Variants in AGPS observed in about 807,000 individuals in gnomAD.
AGPS encodes alkylglycerone phosphate synthase, also known as alkyldihydroxyacetonephosphate synthase, peroxisomal.
A neutral mutation model predicts 90.7 loss-of-function variants in AGPS; 26 were observed. That is an observed-to-expected ratio of 0.29 (90% CI 0.21 to 0.40). The LOEUF (loss-of-function observed/expected upper bound fraction) is 0.40, where lower values mean the gene tolerates loss of function less well. Among genes scored for constraint, AGPS ranks in the 10% least tolerant of loss-of-function variants. AGPS has a pLI of 1.00. For missense variants in AGPS, 540 were observed against 816.1 expected (o/e 0.66, Z 4.12); for synonymous variants, 294 against 285.3 (o/e 1.03, Z -0.31).
At chr2:177,446,573 A>G (rs924433186) in intron 8 of AGPS, among the ~76,000 whole-genome samples, 2 of 152,130 alleles carry the variant, frequency 1.3e-5, no homozygotes, top group Admixed American at 1.3e-4. Flanking sequence ...TCAAGCCAGG[A>G]AAACATGAAG....
intron 19 of AGPS, among the ~76,000 whole-genome samples, chr2:177,526,870 C>T (rs1353415854): frequency 1.3e-5 from 2 of 152,206 alleles, no homozygotes; most frequent in Non-Finnish European, 2.9e-5. Context: ...GTTCTGCATA[C>T]TTAACCTCTT....
chr2:177,511,905 A>C (rs1280185506), intron 16 of AGPS, among the ~76,000 whole-genome samples: 1 of 152,182 alleles, frequency 6.6e-6, no homozygotes, highest in African/African-American at 2.4e-5. Flanking sequence ...GGAGCTCTTA[A>C]TATTTTCCTG....
rs990616636 is a variant in AGPS at position 177,443,918 on chromosome 2, A to T, written c.789+1432A>T. 9.2e-5 allele frequency among the ~76,000 whole-genome samples: 14 copies of T among 152,084 alleles called. 1 individual carries two copies. Among genetic ancestry groups the T allele is most frequent in the African/African-American group, 2.4e-4 (10 of 41,390 alleles). The stretch of plus-strand genomic sequence containing the variant: ...TTTAATTTCCTTTTTCTACCAAAAG[A>T]TATGTTTGAACTCTTGGTAGCTACA... On this transcript the variant is annotated intron_variant, in intron 7 of 19. Transcript: ENST00000264167.
At chr2:177,529,882 T>TA (rs771603513) in intron 19 of AGPS, among the ~76,000 whole-genome samples, 1 of 152,230 alleles carries the variant, frequency 6.6e-6, no homozygotes, top group Admixed American at 6.5e-5. Flanking sequence ...TTCTCTGACT[T>TA]ACACTTTCCT....
chr2:177,461,837 G>T (rs1471909340), intron 8 of AGPS, 56 bp from the exon 9 acceptor site: 2 of 1,534,528 alleles, frequency 1.3e-6, no homozygotes, highest in East Asian at 2.5e-5. Context: ...AATGTGTTGA[G>T]TGCTGTACGT....
chr2:177,414,039 T>G (rs1338422270), intron 1 of AGPS, among the ~76,000 whole-genome samples: 2 of 152,144 alleles, frequency 1.3e-5, no homozygotes, highest in Non-Finnish European at 2.9e-5. Context: ...TGGTCTTGCC[T>G]TATTTGCCCT....
At chr2:177,452,753 C>T (rs1686989059) in intron 8 of AGPS, among the ~76,000 whole-genome samples, 1 of 151,462 alleles carries the variant, frequency 6.6e-6, no homozygotes, top group Admixed American at 6.6e-5. Context: ...TTCTTCTTTC[C>T]CTCTTTTACT....
At chr2:177,484,904 A>G (rs1014056700) in intron 11 of AGPS, among the ~76,000 whole-genome samples, 1 of 152,088 alleles carries the variant, frequency 6.6e-6, no homozygotes. Flanking sequence ...AGCTGGGACC[A>G]TAGGCACACA....
chr2:177,437,093 C>A (rs1243245643), intron 5 of AGPS, 39 bp downstream of exon 5: 1 of 1,573,206 alleles, frequency 6.4e-7, no homozygotes, highest in East Asian at 2.2e-5. Context: ...TTTAGTATTG[C>A]TAAATTTTAG....
chr2:177,406,897 C>T lies in AGPS; in HGVS notation c.261-13372C>T, dbSNP rs1030923653. Among the ~76,000 whole-genome samples the T allele has an allele frequency of 1.1e-4, 16 of 152,286 alleles. 1 individual carries two copies. Among genetic ancestry groups the T allele is most frequent in the African/African-American group, 3.6e-4 (15 of 41,558 alleles). On this transcript the variant is annotated intron_variant, in intron 1 of 19. Transcript: ENST00000264167. Reference sequence around the variant, plus strand: ...CTCTGTTTGACTATTGAAATTTTACCATCTTCCAAAGAAGGGAAAGTTTAA... The same window carrying T: ...CTCTGTTTGACTATTGAAATTTTACTATCTTCCAAAGAAGGGAAAGTTTAA...
intron 5 of AGPS, among the ~76,000 whole-genome samples, chr2:177,439,503 C>A (rs1686531360): frequency 1.3e-5 from 2 of 151,898 alleles, no homozygotes; most frequent in Admixed American, 1.3e-4. Flanking sequence ...AATGAGTATT[C>A]TATTTAGTAA....
chr2:177,419,852 G>T (rs184758480), intron 1 of AGPS, among the ~76,000 whole-genome samples: 1 of 151,670 alleles, frequency 6.6e-6, no homozygotes, highest in Non-Finnish European at 1.5e-5. Flanking sequence ...TTTAAAAATC[G>T]TAGCAGAAGG....
At chr2:177,485,653 A>G (rs1483070247) in intron 11 of AGPS, among the ~76,000 whole-genome samples, 2 of 152,234 alleles carry the variant, frequency 1.3e-5, no homozygotes, top group East Asian at 1.9e-4. Flanking sequence ...GCGGTGGCTC[A>G]CATCTGTAAT....
intron 2 of AGPS, among the ~76,000 whole-genome samples, chr2:177,431,081 G>A (rs1230743702): frequency 6.6e-6 from 1 of 152,144 alleles, no homozygotes; most frequent in Non-Finnish European, 1.5e-5. Context: ...TTTCAACATA[G>A]GTTCTATTTT....
intron 2 of AGPS, among the ~76,000 whole-genome samples, chr2:177,429,933 C>T (rs1033537498): frequency 4.6e-5 from 7 of 152,192 alleles, no homozygotes; most frequent in Non-Finnish European, 8.8e-5. Flanking sequence ...TGTGTCTCCC[C>T]CAAGGGGCTC....
intron 11 of AGPS, among the ~76,000 whole-genome samples, chr2:177,485,193 T>A (rs1282585321): frequency 6.6e-6 from 1 of 152,222 alleles, no homozygotes; most frequent in African/African-American, 2.4e-5. Flanking sequence ...CCTTCAATAA[T>A]ATCTCCCCTC....
At chr2:177,535,078 C>T (rs1002885484) in intron 19 of AGPS, among the ~76,000 whole-genome samples, 3 of 152,068 alleles carry the variant, frequency 2.0e-5, no homozygotes, top group South Asian at 2.1e-4. Flanking sequence ...TGTTGACTCT[C>T]AGGCTAGATT....
intron 14 of AGPS, among the ~76,000 whole-genome samples, chr2:177,503,512 A>G (rs992009603): frequency 2.0e-5 from 3 of 152,162 alleles, no homozygotes; most frequent in African/African-American, 7.2e-5. Flanking sequence ...ATTTGTTTAA[A>G]AACCTTGAAT....
At chr2:177,495,745 T>TAA (rs375905234) in intron 12 of AGPS, among the ~76,000 whole-genome samples, 82,197 of 140,012 alleles carry the variant, frequency 0.59, 26,877 homozygotes, top group Non-Finnish European at 0.71. Context: ...CTGTCTCTAC[T>TAA]AAAAAAAAAA....
Sources: allele counts gnomAD v4.1 joint callset (sites outside exome capture counted in the v4.1 genomes callset), GRCh38; gene constraint gnomAD v4.1.1; transcripts MANE v1.5; gene names NCBI Gene and HGNC (gene_info 2026-07-23, HGNC 2026-07-21).